ABRA: variants seen among roughly 807,000 people sequenced by gnomAD.
The protein encoded by ABRA is actin binding Rho activating protein, also known as actin-binding Rho-activating protein.
A neutral mutation model predicts 33.4 loss-of-function variants in ABRA; 25 were observed. The ratio of observed to expected loss-of-function variants is 0.75; its 90% CI spans 0.55 to 1.04. ABRA has a LOEUF of 1.04. Among genes scored for constraint, ABRA ranks in the 50% least tolerant of loss-of-function variants. ABRA has a pLI of 0.00. For synonymous variants in ABRA, 193 were observed against 176.8 expected, an observed-to-expected ratio of 1.09 and a Z score of -0.73; for missense variants, 501 against 491.7, an observed-to-expected ratio of 1.02 and a Z score of -0.18.
At chr8:106,769,473 G>A (rs1193101712) in intron 1 of ABRA, 50 bp downstream of exon 1, 1 of 1,563,240 alleles carries the variant, frequency 6.4e-7, no homozygotes, top group Non-Finnish European at 8.7e-7. Flanking sequence ...GACTTGGTTG[G>A]GGCTCAATAG....
chr8:106,764,903 A>G (rs373199470), intron 1 of ABRA, among the ~76,000 whole-genome samples: 3 of 152,222 alleles, frequency 2.0e-5, no homozygotes, highest in African/African-American at 4.8e-5. Flanking sequence ...TATATCTCCA[A>G]TTTTTAAAAG....
intron 1 of ABRA, among the ~76,000 whole-genome samples, chr8:106,763,211 T>C (rs1836162065): frequency 6.6e-6 from 1 of 152,160 alleles, no homozygotes; most frequent in African/African-American, 2.4e-5. Context: ...ATTAACATTG[T>C]TTTCAAAAAA....
At chr8:106,764,885 A>G (rs1836192598) in intron 1 of ABRA, among the ~76,000 whole-genome samples, 1 of 148,410 alleles carries the variant, frequency 6.7e-6, no homozygotes, top group South Asian at 2.2e-4. Flanking sequence ...AACATTCTGT[A>G]TTGTTTTTAT....
intron 1 of ABRA, among the ~76,000 whole-genome samples, chr8:106,762,584 G>T (rs113196119): frequency 6.6e-6 from 1 of 152,100 alleles, no homozygotes; most frequent in African/African-American, 2.4e-5. Context: ...AACACCACAT[G>T]TTCTCACCTG....
rs1404321496 is a variant in ABRA at position 106,760,923 on chromosome 8, A to C, written c.*114T>G. 1.7e-5 allele frequency: 17 copies of C among 1,001,978 alleles called. No homozygotes were observed. The highest frequency in any genetic ancestry group is 2.4e-5 in the Non-Finnish European group (16 of 670,568). The allele number at this position is 1,001,978 out of a possible 1,614,324, so 62.1% of individuals were successfully genotyped here. A position where few individuals can be genotyped will look rare whatever the true frequency, so the allele number is the denominator to read the frequency against. ...GAATGCCAGAAAGTCGTTTATGTAAAAATTGTTTAATATTTACTAACTTAT... is the reference window on the plus strand; with the variant it reads ...GAATGCCAGAAAGTCGTTTATGTAACAATTGTTTAATATTTACTAACTTAT... On this transcript the variant is annotated 3_prime_UTR_variant, in exon 2 of 2. Transcript: ENST00000311955.
Position 106,760,784 on chromosome 8 carries a change from C to A in ABRA, c.*253G>T, listed in dbSNP as rs985834560. 4.6e-6 allele frequency: 2 copies of A among 435,670 alleles called. No homozygotes were observed. The highest frequency in any genetic ancestry group is 3.5e-5 in the South Asian group (1 of 28,198). 27.0% of individuals were successfully genotyped at this position (435,670 alleles called of 1,614,324 possible). A position where few individuals can be genotyped will look rare whatever the true frequency, so the allele number is the denominator to read the frequency against. On this transcript the variant is annotated 3_prime_UTR_variant, in exon 2 of 2. Transcript: ENST00000311955. ...CTGTCTCAAAACAAAAACAAAAACA[C>A]CCTGTGGAATTTCAACTATTAATAC...
intron 1 of ABRA, 41 bp downstream of exon 1, chr8:106,769,482 A>G: frequency 1.3e-6 from 2 of 1,582,310 alleles, no homozygotes; most frequent in Non-Finnish European, 1.7e-6. Context: ...GGGGCTCAAT[A>G]GTGATCCTGA....
rs761663606 is a variant in ABRA at position 106,761,514 on chromosome 8, C to T, written c.669G>A (p.Gln223=). The T allele has an allele frequency of 6.2e-7, 1 of 1,609,292 alleles. No homozygotes were observed. Among genetic ancestry groups the T allele is most frequent in the East Asian group, 2.2e-5 (1 of 44,818 alleles). The change falls in exon 2 of 2, where the codon CAG becomes CAA. Residue 223 remains glutamine, a splice_region_variant and synonymous_variant. Transcript: ENST00000311955. Reference sequence around the variant, plus strand: ...TGAGTTTCTCTGTAAATCTGTTTACCCTAAAGTAGAGAGAGGGTGAACAAT... The same window carrying T: ...TGAGTTTCTCTGTAAATCTGTTTACTCTAAAGTAGAGAGAGGGTGAACAAT... The part of the protein sequence containing the change: ...VVRIKRPLPS[Q]VNRFTEKLNC...
chr8:106,761,285 T>C lies in ABRA; in HGVS notation c.898A>G (p.Lys300Glu), dbSNP rs746470743. 6.2e-7 allele frequency: 1 copy of C among 1,614,234 alleles called. No homozygotes were observed. The highest frequency in any genetic ancestry group is 8.5e-7 in the Non-Finnish European group (1 of 1,180,040). ...KEGTKTAERA[K>E]RAEEHIYREM... ...CTGTAGATGTGCTCCTCAGCACGCT[T>C]GGCCCTTTCAGCAGTTTTGGTTCCT... The change falls in exon 2 of 2, where the codon AAG becomes GAG. Residue 300 changes from lysine (K) to glutamate (E), a missense_variant. Transcript: ENST00000311955.
chr8:106,767,372 C>A (rs543503323), intron 1 of ABRA, among the ~76,000 whole-genome samples: 6 of 152,244 alleles, frequency 3.9e-5, no homozygotes, highest in African/African-American at 1.4e-4. Context: ...TTCTAGCACA[C>A]ATGTCCCAAG....
At position 106,761,663 on chromosome 8, in the gene ABRA, A is replaced by T; in HGVS notation, c.669-149T>A. On this transcript the variant is annotated intron_variant, in intron 1 of 1. Coordinates refer to ENST00000311955, the MANE Select transcript of ABRA (RefSeq NM_139166.5). ...AACACAATATAAAAAATTAGAAATG[A>T]AAGAAGAAAAATCATACATAGTCCC... The T allele has an allele frequency of 4.3e-6, 3 of 698,346 alleles. No individual in the cohort carries two copies. The South Asian group carries it at 7.2e-5, about 17-fold the overall frequency. The allele number at this position is 698,346 out of a possible 1,614,324, so 43.3% of individuals were successfully genotyped here. A position where few individuals can be genotyped will look rare whatever the true frequency, so the allele number is the denominator to read the frequency against.
At chr8:106,765,731 T>C (rs545834675) in intron 1 of ABRA, among the ~76,000 whole-genome samples, 2 of 152,296 alleles carry the variant, frequency 1.3e-5, no homozygotes, top group Non-Finnish European at 2.9e-5. Flanking sequence ...TTGAACTGTC[T>C]TCAGAGTCTA....
chr8:106,765,446 C>G (rs1350223171), intron 1 of ABRA, among the ~76,000 whole-genome samples: 1 of 152,210 alleles, frequency 6.6e-6, no homozygotes, highest in Non-Finnish European at 1.5e-5. Flanking sequence ...GGGAGTATTT[C>G]TCCTCCTCAT....
rs1587348295 is a variant in ABRA, at chr8:106,761,191, A to T, written c.992T>A (p.Val331Asp). Residue 331 changes from valine to aspartate, a missense_variant, in exon 2 of 2, where the codon GTT becomes GAT. By Grantham distance (152) the Val-to-Asp change is radical. Transcript: ENST00000311955. ...ARHRRDGKIQ[V>D]TFGDLFDRYV... is the part of the protein sequence containing the mutation. ...TCTGTCAAAGAGATCTCCAAAAGTA[A>T]CCTGGATCTTGCCATCTCGTCTGTG... 6.2e-7 allele frequency: 1 copy of T among 1,614,120 alleles called. No homozygotes were observed. The highest frequency in any genetic ancestry group is 1.1e-5 in the South Asian group (1 of 91,092).
rs1390418321 is a variant in ABRA at position 106,761,239 on chromosome 8, A to T, written c.944T>A (p.Phe315Tyr). ...HIYREMMDMC[F>Y]IICTMARHRR... ...GTGGCGAGCCATTGTGCAGATAATG[A>T]AGCACATGTCCATCATTTCCCTGTA... The change falls in exon 2 of 2, where the codon TTC (phenylalanine) becomes TAC (tyrosine). Residue 315 changes from phenylalanine to tyrosine, a missense_variant. Physicochemically the swap from Phe to Tyr is conservative, Grantham distance 22 (BLOSUM62 3). Coordinates refer to ENST00000311955, the MANE Select transcript of ABRA (RefSeq NM_139166.5). 1.2e-6 allele frequency: 2 copies of T among 1,614,244 alleles called. No individual in the cohort carries two copies. Among genetic ancestry groups the T allele is most frequent in the Non-Finnish European group, 1.7e-6 (2 of 1,180,046 alleles).
intron 1 of ABRA, among the ~76,000 whole-genome samples, chr8:106,762,287 T>C (rs1437399858): frequency 6.6e-6 from 1 of 152,164 alleles, no homozygotes; most frequent in Admixed American, 6.6e-5. Context: ...CCAGAGCCTG[T>C]CTATAACTGT....
chr8:106,769,865 A>G lies in ABRA; in HGVS notation c.326T>C (p.Val109Ala), dbSNP rs919826204. 1 of 1,613,882 alleles carries G rather than the reference A, an allele frequency of 6.2e-7. No individual in the cohort carries two copies. The highest frequency in any genetic ancestry group is 1.1e-5 in the South Asian group (1 of 91,042). Residue 109 changes from valine (V) to alanine (A), a missense_variant, in exon 1 of 2, where the codon GTG becomes GCG. Coordinates refer to ENST00000311955, the MANE Select transcript of ABRA (RefSeq NM_139166.5). ...AGTCTTGCTGACCACCGTTTTGGAC[A>G]CCTCTTTCTTTTTGATGTGAGAAAC... ...PEVSHIKKKE[V>A]SKTVVSKTYE...
Position 106,759,947 on chromosome 8 carries a change from A to G in ABRA, c.*1090T>C, listed in dbSNP as rs1172710635. 7 of 152,204 alleles carry G rather than the reference A, an allele frequency of 4.6e-5. No homozygotes were observed. The East Asian group carries it at 1.2e-3, about 25-fold the overall frequency. 9.4% of individuals were successfully genotyped at this position (152,204 alleles called of 1,614,324 possible). On this transcript the variant is annotated 3_prime_UTR_variant, in exon 2 of 2. Transcript: ENST00000311955. ...TTGGCAGAACTAATATTGCAGTTTT[A>G]TGACTTAAACATTTCATAAAGTTTT...
intron 1 of ABRA, among the ~76,000 whole-genome samples, chr8:106,765,686 C>A (rs1161976299): frequency 1.3e-5 from 2 of 152,030 alleles, no homozygotes; most frequent in Non-Finnish European, 2.9e-5. Context: ...TTTTCAGCTT[C>A]GTTTGAGAGC....
Sources: gnomAD v4.1 joint callset for allele counts (sites outside exome capture counted in the v4.1 genomes callset) on GRCh38, gnomAD v4.1.1 for gene constraint, MANE v1.5 for transcripts, NCBI Gene and HGNC (gene_info 2026-07-23, HGNC 2026-07-21) for gene names.